The following PYGO1 variants were observed in gnomAD, a reference collection of about 807,000 sequenced individuals.
PYGO1 encodes pygopus family PHD finger 1, also known as pygopus homolog 1.
PYGO1 carries 6 observed loss-of-function variants against 29.5 expected under a neutral mutation model. That is an observed-to-expected ratio of 0.20 (90% CI 0.11 to 0.40). The LOEUF is 0.40. Ranked by LOEUF, PYGO1 falls within the 10% of genes least tolerant of loss-of-function variation. PYGO1 has a pLI of 1.00. For missense variants in PYGO1, 515 were observed against 514.9 expected (o/e 1.00, Z 0.00); for synonymous variants, 186 against 180.5 (o/e 1.03, Z -0.24).
intron 1 of PYGO1, among the ~76,000 whole-genome samples, chr15:55,555,507 T>C (rs1168644622): frequency 8.6e-6 from 1 of 116,528 alleles, no homozygotes; most frequent in Non-Finnish European, 1.6e-5. Context: ...AATATTAACC[T>C]TAAATGTAAA....
At chr15:55,576,565 G>GT (rs1246349360) in intron 1 of PYGO1, among the ~76,000 whole-genome samples, 1 of 148,752 alleles carries the variant, frequency 6.7e-6, no homozygotes, top group African/African-American at 2.5e-5. Flanking sequence ...GAGGTCAGGA[G>GT]TTTCAGACCA....
chr15:55,558,350 T>TACA (rs1490076405), intron 1 of PYGO1, among the ~76,000 whole-genome samples: 2 of 151,500 alleles, frequency 1.3e-5, no homozygotes, highest in African/African-American at 4.9e-5. Context: ...TAAAAGAGGA[T>TACA]ACAAACAAAT....
At chr15:55,584,564 T>A (rs1168340071) in intron 1 of PYGO1, among the ~76,000 whole-genome samples, 1 of 152,172 alleles carries the variant, frequency 6.6e-6, no homozygotes, top group Non-Finnish European at 1.5e-5. Flanking sequence ...AAAATAACGA[T>A]GGCAGTTGAC....
At chr15:55,549,939 T>G (rs143374745) in intron 1 of PYGO1, among the ~76,000 whole-genome samples, 1 of 152,310 alleles carries the variant, frequency 6.6e-6, no homozygotes, top group African/African-American at 2.4e-5. Context: ...CTCCATCCAG[T>G]ACTACTTTGA....
intron 1 of PYGO1, among the ~76,000 whole-genome samples, chr15:55,569,426 A>C (rs925914521): frequency 2.6e-5 from 4 of 152,110 alleles, no homozygotes; most frequent in Non-Finnish European, 5.9e-5. Context: ...TCAGTGCTAC[A>C]TATGCTCCTT....
At chr15:55,582,532 C>T (rs549747552) in intron 1 of PYGO1, among the ~76,000 whole-genome samples, 1 of 152,146 alleles carries the variant, frequency 6.6e-6, no homozygotes, top group East Asian at 1.9e-4. Flanking sequence ...TTAGTGTTTC[C>T]AAAGTTGGTG....
intron 1 of PYGO1, among the ~76,000 whole-genome samples, chr15:55,563,457 C>G (rs765146375): frequency 1.1e-3 from 169 of 149,642 alleles, no homozygotes; most frequent in Non-Finnish European, 3.4e-4. Context: ...ACCTCTGCAT[C>G]CTGGGTTCAC....
chr15:55,566,375 A>G (rs761254760), intron 1 of PYGO1, among the ~76,000 whole-genome samples: 2 of 136,386 alleles, frequency 1.5e-5, no homozygotes, highest in African/African-American at 5.6e-5. Context: ...CTCCAGTTGC[A>G]TTCATATTGC....
At chr15:55,551,518 C>T (rs1014402146) in intron 1 of PYGO1, among the ~76,000 whole-genome samples, 3 of 151,994 alleles carry the variant, frequency 2.0e-5, no homozygotes, top group African/African-American at 7.3e-5. Flanking sequence ...CAGATGTGGC[C>T]GAGTGTGGTG....
intron 1 of PYGO1, among the ~76,000 whole-genome samples, chr15:55,566,397 A>T (rs2058956852): frequency 6.6e-6 from 1 of 152,104 alleles, no homozygotes. Flanking sequence ...ACAAAAAAAA[A>T]AAAGATTTCA....
intron 1 of PYGO1, among the ~76,000 whole-genome samples, chr15:55,561,004 A>G (rs1351448470): frequency 1.3e-5 from 2 of 152,232 alleles, no homozygotes; most frequent in East Asian, 1.9e-4. Flanking sequence ...TTCATATGGA[A>G]CCAGAAAAGA....
chr15:55,575,381 T>C (rs2058997128), intron 1 of PYGO1, among the ~76,000 whole-genome samples: 1 of 152,202 alleles, frequency 6.6e-6, no homozygotes, highest in Non-Finnish European at 1.5e-5. Flanking sequence ...GCTACACTAC[T>C]TTGCTTTTTA....
chr15:55,584,621 C>A (rs1470677960), intron 1 of PYGO1, among the ~76,000 whole-genome samples: 1 of 152,140 alleles, frequency 6.6e-6, no homozygotes, highest in African/African-American at 2.4e-5. Context: ...GGGAAATGGA[C>A]TATCAGAAAG....
In PYGO1 at chr15:55,546,314, A is replaced by T; in HGVS notation, c.969T>A (p.Asn323Lys). ...GACGGTTTGGGTGAAGAGAGGATTT[A>T]TTGCTTTTTTCTGTGGTGCAGGCAT... is the stretch of plus-strand genomic sequence containing the variant. ...AADACTTEKS[N>K]KSSLHPNRHG... Residue 323 changes from asparagine to lysine, a missense_variant, in exon 3 of 3, where the codon AAT becomes AAA. Asn to Lys is a moderately conservative substitution (Grantham distance 94, BLOSUM62 0). Coordinates refer to ENST00000563719, the MANE Select transcript of PYGO1 (RefSeq NM_001367806.1). 1 of 1,614,098 alleles carries T rather than the reference A, an allele frequency of 6.2e-7. No homozygotes were observed. Among genetic ancestry groups the T allele is most frequent in the Non-Finnish European group, 8.5e-7 (1 of 1,180,012 alleles).
chr15:55,578,870 T>C (rs1333502999), intron 1 of PYGO1, among the ~76,000 whole-genome samples: 1 of 152,188 alleles, frequency 6.6e-6, no homozygotes, highest in African/African-American at 2.4e-5. Context: ...ATCTATTTCT[T>C]CTTTGGTTAA....
chr15:55,572,008 T>C (rs2058982343), intron 1 of PYGO1, among the ~76,000 whole-genome samples: 1 of 152,134 alleles, frequency 6.6e-6, no homozygotes, highest in African/African-American at 2.4e-5. Flanking sequence ...GGAGTTTTTA[T>C]CTACAGATTC....
chr15:55,559,926 C>T (rs1319255211), intron 1 of PYGO1, among the ~76,000 whole-genome samples: 2 of 152,020 alleles, frequency 1.3e-5, no homozygotes, highest in South Asian at 4.1e-4. Context: ...AGAACTAAGA[C>T]AAAAAACACA....
intron 1 of PYGO1, among the ~76,000 whole-genome samples, chr15:55,578,391 T>C (rs898311584): frequency 6.6e-6 from 1 of 152,156 alleles, no homozygotes; most frequent in African/African-American, 2.4e-5. Context: ...GTGGAATCAC[T>C]GGGTCACATA....
rs140157229 is a variant in PYGO1, at chr15:55,548,955, T to A, written c.90A>T (p.Val30=). The A allele has an allele frequency of 4.4e-5, 71 of 1,612,762 alleles. No homozygotes were observed. Among genetic ancestry groups the A allele is most frequent in the Non-Finnish European group, 5.7e-5 (67 of 1,179,502 alleles). The change falls in exon 2 of 3, where the codon GTA becomes GTT. Residue 30 remains valine (V), a synonymous_variant. Transcript: ENST00000563719. ...TTTTCTTATCTGGGCTTCCTAGTTG[T>A]ACACCTGGTCCTCCTAACCCATCCA... ...SGLDGLGGPG[V]QLGSPDKKKR...
Sources: gnomAD v4.1 joint callset for allele counts (sites outside exome capture counted in the v4.1 genomes callset) on GRCh38, gnomAD v4.1.1 for gene constraint, MANE v1.5 for transcripts, NCBI Gene and HGNC (gene_info 2026-07-23, HGNC 2026-07-21) for gene names.